The following UBXN8 variants were observed in gnomAD, a reference collection of about 807,000 sequenced individuals.
UBXN8 encodes the protein UBX domain protein 8, also known as UBX domain-containing protein 8.
UBXN8 carries 27 observed loss-of-function variants against 32.1 expected under a neutral mutation model. The ratio of observed to expected loss-of-function variants is 0.84; its 90% CI spans 0.62 to 1.16. UBXN8 has a LOEUF of 1.16. UBXN8 is among the 50% of genes most tolerant of loss of function. UBXN8 has a pLI of 0.00. For synonymous variants in UBXN8, 109 were observed against 111.8 expected (o/e 0.98, Z 0.16); for missense variants, 306 against 311.4 (o/e 0.98, Z 0.13).
intron 5 of UBXN8, 70 bp from the exon 6 acceptor site, chr8:30,760,818 G>A: frequency 2.1e-6 from 2 of 952,732 alleles, no homozygotes; most frequent in Non-Finnish European, 3.2e-6. Flanking sequence ...TGTATTGAGA[G>A]GAACTCTTCT....
At chr8:30,744,515 A>G in intron 1 of UBXN8, 1 of 553,832 alleles carries the variant, frequency 1.8e-6, no homozygotes, top group Non-Finnish European at 3.2e-6. Context: ...GGGCAATCAT[A>G]GACAGTGCTT....
chr8:30,747,205 T>A (rs1275370887), intron 1 of UBXN8, among the ~76,000 whole-genome samples: 1 of 140,164 alleles, frequency 7.1e-6, no homozygotes, highest in Non-Finnish European at 1.5e-5. Context: ...TTTAAAGGTA[T>A]ACACACAAAT....
Position 30,763,275 on chromosome 8 carries a change from A to C in UBXN8, c.573A>C (p.Val191=), listed in dbSNP as rs1805906634. 11 of 1,613,630 alleles carry C rather than the reference A, an allele frequency of 6.8e-6. No individual in the cohort carries two copies. Among genetic ancestry groups the C allele is most frequent in the Non-Finnish European group, 8.5e-6 (10 of 1,179,658 alleles). ...PEEPSQTAEE[V]VTVALRCPSG... ...TTATGTGAATATTTCTTCCTTAGGT[A>C]GTTACTGTTGCTCTCCGATGTCCCA... The change falls in exon 7 of 8, where the codon GTA becomes GTC. Residue 191 remains valine (V), a splice_region_variant and synonymous_variant. Transcript: ENST00000265616.
At chr8:30,759,019 G>C (rs577512368) in intron 5 of UBXN8, among the ~76,000 whole-genome samples, 1 of 149,658 alleles carries the variant, frequency 6.7e-6, no homozygotes, top group South Asian at 2.1e-4. Flanking sequence ...TCAGCCTCCC[G>C]GGTAGCTGGG....
intron 6 of UBXN8, among the ~76,000 whole-genome samples, chr8:30,761,500 C>T (rs1023715733): frequency 6.6e-6 from 1 of 152,226 alleles, no homozygotes; most frequent in African/African-American, 2.4e-5. Flanking sequence ...CTGTCTTGAC[C>T]TCCCAAAGCG....
At chr8:30,740,540 GAA>G, upstream of UBXN8, among the ~76,000 whole-genome samples, 1 of 120,216 alleles carries the variant, frequency 8.3e-6, no homozygotes. Context: ...CCATCTCCTG[GAA>G]AAAAAAAAAA....
chr8:30,738,557 A>C (rs1423602033), intron 1 of UBXN8, among the ~76,000 whole-genome samples: 1 of 149,732 alleles, frequency 6.7e-6, no homozygotes, highest in Non-Finnish European at 1.5e-5. Flanking sequence ...GCTACTCAGG[A>C]GGCTAAGGCA....
chr8:30,736,108 A>G (rs1165465597), intron 1 of UBXN8, among the ~76,000 whole-genome samples: 1 of 152,252 alleles, frequency 6.6e-6, no homozygotes, highest in African/African-American at 2.4e-5. Context: ...ATAATTGAAC[A>G]TTACTCAGTT....
At chr8:30,742,293 T>C (rs1027795003), upstream of UBXN8, among the ~76,000 whole-genome samples, 8 of 152,340 alleles carry the variant, frequency 5.3e-5, no homozygotes, top group Middle Eastern at 3.4e-3. Flanking sequence ...TCTTAGCCTA[T>C]ATACAAAGGA....
intron 1 of UBXN8, among the ~76,000 whole-genome samples, chr8:30,735,316 T>C (rs1242328184): frequency 6.6e-6 from 1 of 152,164 alleles, no homozygotes; most frequent in Non-Finnish European, 1.5e-5. Context: ...TAACCATTAT[T>C]AGAAAGAAAC....
chr8:30,739,761 A>T (rs1026298644), upstream of UBXN8, among the ~76,000 whole-genome samples: 2 of 152,200 alleles, frequency 1.3e-5, no homozygotes, highest in Non-Finnish European at 2.9e-5. Context: ...TAATTATCTC[A>T]TAAAATGTTT....
upstream of UBXN8, among the ~76,000 whole-genome samples, chr8:30,739,183 T>A (rs1283153626): frequency 6.6e-6 from 1 of 150,732 alleles, no homozygotes; most frequent in African/African-American, 2.4e-5. Flanking sequence ...ATTCCTGTGA[T>A]GGAACTACTC....
At chr8:30,760,061 TTTC>T (rs1444493800) in intron 5 of UBXN8, among the ~76,000 whole-genome samples, 1 of 83,392 alleles carries the variant, frequency 1.2e-5, no homozygotes, top group Non-Finnish European at 2.8e-5. Flanking sequence ...TGAATTTTCT[TTTC>T]TTTTTTTTTT....
Position 30,763,308 on chromosome 8 carries a change from T to G in UBXN8, c.606T>G (p.Asn202Lys). 6.2e-7 allele frequency: 1 copy of G among 1,613,884 alleles called. No homozygotes were observed. Among genetic ancestry groups the G allele is most frequent in the Non-Finnish European group, 8.5e-7 (1 of 1,179,732 alleles). The change falls in exon 7 of 8, where the codon AAT (asparagine) becomes AAG (lysine). Residue 202 changes from asparagine (N) to lysine (K), a missense_variant. Coordinates refer to ENST00000265616, the MANE Select transcript of UBXN8 (RefSeq NM_005671.4). ...TTGCTCTCCGATGTCCCAGTGGGAA[T>G]GTCCTGAGGAGAAGGTTTTTGAAGT... is the stretch of plus-strand genomic sequence containing the variant. ...VTVALRCPSG[N>K]VLRRRFLKSY...
chr8:30,746,975 T>C lies in UBXN8; in HGVS notation c.88+2698T>C, dbSNP rs1245148532. The stretch of plus-strand genomic sequence containing the variant: ...ATCGAGACCATCCTGGCCAACATGG[T>C]GAAACGCTGTCTCTACTAAAAATAC... On this transcript the variant is annotated intron_variant, in intron 1 of 7. Coordinates refer to ENST00000265616, the MANE Select transcript of UBXN8 (RefSeq NM_005671.4). Among the ~76,000 whole-genome samples, 2 of 139,024 alleles carry C rather than the reference T, an allele frequency of 1.4e-5. 1 individual carries two copies. Among genetic ancestry groups the C allele is most frequent in the Non-Finnish European group, 3.1e-5 (2 of 64,720 alleles). The allele number at this position is 139,024 out of a possible 152,430, so 91.2% of individuals were successfully genotyped here. A position where few individuals can be genotyped will look rare whatever the true frequency, so the allele number is the denominator to read the frequency against.
intron 2 of UBXN8, among the ~76,000 whole-genome samples, chr8:30,751,824 G>A (rs1196936624): frequency 6.6e-6 from 1 of 151,610 alleles, no homozygotes; most frequent in Admixed American, 6.6e-5. Context: ...GTGTGTTTGT[G>A]CTGCTTAACT....
At chr8:30,750,096 T>G (rs1271641856) in intron 1 of UBXN8, among the ~76,000 whole-genome samples, 1 of 152,174 alleles carries the variant, frequency 6.6e-6, no homozygotes, top group Non-Finnish European at 1.5e-5. Context: ...ATCATGAGTT[T>G]TTTAATGCCC....
chr8:30,735,259 T>C (rs531518826), intron 1 of UBXN8, among the ~76,000 whole-genome samples: 5 of 152,228 alleles, frequency 3.3e-5, no homozygotes, highest in Admixed American at 6.5e-5. Context: ...AGCTGGTGAA[T>C]GGCAGAGCAG....
At chr8:30,730,829 G>A (rs1280453484), upstream of UBXN8, among the ~76,000 whole-genome samples, 1 of 152,212 alleles carries the variant, frequency 6.6e-6, no homozygotes, top group Non-Finnish European at 1.5e-5. Flanking sequence ...GACATTAGAA[G>A]AAAACTGCAG....
Sources: allele counts gnomAD v4.1 joint callset (sites outside exome capture counted in the v4.1 genomes callset), GRCh38; gene constraint gnomAD v4.1.1; transcripts MANE v1.5; gene names NCBI Gene and HGNC (gene_info 2026-07-23, HGNC 2026-07-21).